The following SACM1L variants were observed in gnomAD, a reference collection of about 807,000 sequenced individuals.
The protein encoded by SACM1L is phosphatidylinositol-3-phosphatase SAC1.
SACM1L carries 32 observed loss-of-function variants against 89.5 expected under a neutral mutation model. That is an observed-to-expected ratio of 0.36 (90% CI 0.27 to 0.48). The LOEUF is 0.48. SACM1L is among the 20% of genes least tolerant of loss of function. The pLI is 0.99. For synonymous variants in SACM1L, 213 were observed against 232.8 expected (o/e 0.92, Z 0.77); for missense variants, 543 against 708.5 (o/e 0.77, Z 2.65).
At chr3:45,697,269 C>CTTTTTTTTTTTT (rs869095037) in intron 1 of SACM1L, among the ~76,000 whole-genome samples, 50 of 92,114 alleles carry the variant, frequency 5.4e-4, no homozygotes, top group African/African-American at 1.9e-3. Context: ...TTTTCTTTTC[C>CTTTTTTTTTTTT]TTTTTTTTTT....
At chr3:45,694,381 T>C (rs1178568364) in intron 1 of SACM1L, among the ~76,000 whole-genome samples, 2 of 152,176 alleles carry the variant, frequency 1.3e-5, no homozygotes, top group African/African-American at 4.8e-5. Context: ...TAAGCTACCT[T>C]GTGATACAGA....
chr3:45,719,494 G>A lies in SACM1L; in HGVS notation c.578-6G>A. ...TATATGTTATATTTTTCTTAATGTG[G>A]TTAAGTTATTACCATGCATTCATGT... On this transcript the variant is annotated splice_polypyrimidine_tract_variant and splice_region_variant and intron_variant, in intron 7 of 19. Transcript: ENST00000389061. 1 of 1,509,414 alleles carries A rather than the reference G, an allele frequency of 6.6e-7. No individual in the cohort carries two copies. The allele number at this position is 1,509,414 out of a possible 1,614,324, so 93.5% of individuals were successfully genotyped here.
intron 1 of SACM1L, among the ~76,000 whole-genome samples, chr3:45,698,464 A>G (rs1321122780): frequency 6.6e-6 from 1 of 152,220 alleles, no homozygotes; most frequent in Non-Finnish European, 1.5e-5. Context: ...CATCTCTCAG[A>G]GAGAGAAGAT....
chr3:45,690,599 A>T (rs1430022287), intron 1 of SACM1L, among the ~76,000 whole-genome samples: 1 of 152,230 alleles, frequency 6.6e-6, no homozygotes, highest in Non-Finnish European at 1.5e-5. Context: ...CAGAGAGGTC[A>T]TCTATTCCAC....
In SACM1L at chr3:45,737,670, T is replaced by C. The variant is rs1271692120; in HGVS notation, c.1309+18T>C. 2.5e-6 allele frequency: 4 copies of C among 1,584,060 alleles called. No individual in the cohort carries two copies. The African/African-American group carries it at 4.1e-5, about 16-fold the overall frequency. ...CAAAAATGGTAGGTCATTTCTTTAA[T>C]ATAGACAAAGTTGGTCAGATTTTGA... On this transcript the variant is annotated intron_variant, in intron 15 of 19. Coordinates refer to ENST00000389061, the MANE Select transcript of SACM1L (RefSeq NM_014016.5).
intron 2 of SACM1L, 58 bp downstream of exon 2, chr3:45,703,593 T>C: frequency 8.6e-7 from 1 of 1,165,766 alleles, no homozygotes; most frequent in East Asian, 2.4e-5. Context: ...TAAATTACAG[T>C]AATTAAAAAA....
At chr3:45,689,620 CG>C in intron 1 of SACM1L, 123 bp downstream of exon 1, 1 of 1,209,486 alleles carries the variant, frequency 8.3e-7, no homozygotes, top group Admixed American at 2.0e-5. Flanking sequence ...TCGCATTTAC[CG>C]GTTTTCCTCA....
intron 1 of SACM1L, among the ~76,000 whole-genome samples, chr3:45,692,328 T>TAA (rs1559533200): frequency 1.3e-5 from 2 of 151,972 alleles, no homozygotes; most frequent in South Asian, 2.1e-4. Context: ...TTTTTTTTTT[T>TAA]TTTATTATTT....
At position 45,722,794 on chromosome 3, in the gene SACM1L, C is replaced by CA. The variant is rs754421840; in HGVS notation, c.766-74dup. 192 of 1,062,008 alleles carry CA rather than the reference C, an allele frequency of 1.8e-4. 1 individual carries two copies. The highest frequency in any genetic ancestry group is 2.6e-4 in the Non-Finnish European group (183 of 705,750). The allele number at this position is 1,062,008 out of a possible 1,614,324, so 65.8% of individuals were successfully genotyped here. On this transcript the variant is annotated intron_variant, in intron 9 of 19. Coordinates refer to ENST00000389061, the MANE Select transcript of SACM1L (RefSeq NM_014016.5). ...TCCCTTGCATATTCATTAATATATA[C>CA]ACCCCTGACAATAAGTAAGGTGAGA...
chr3:45,725,913 G>C (rs1251632770), intron 11 of SACM1L, among the ~76,000 whole-genome samples: 1 of 151,992 alleles, frequency 6.6e-6, no homozygotes, highest in Admixed American at 6.5e-5. Flanking sequence ...TCAAGAAGAG[G>C]TGTTGAATTT....
intron 19 of SACM1L, chr3:45,739,962 A>G (rs1699282091): frequency 2.7e-6 from 1 of 370,342 alleles, no homozygotes; most frequent in Admixed American, 4.3e-5. Flanking sequence ...CAGGAAAAAG[A>G]GACACAAGAT....
chr3:45,705,774 G>A (rs1228751496), intron 3 of SACM1L, among the ~76,000 whole-genome samples: 1 of 152,068 alleles, frequency 6.6e-6, no homozygotes. Flanking sequence ...AAAGTGCTGG[G>A]ATTACAGGCA....
rs1699403746 is a variant in SACM1L at position 45,745,369 on chromosome 3, G to GT, written c.*1701dup. The GT allele has an allele frequency of 3.3e-5, 5 of 152,590 alleles. No homozygotes were observed. The highest frequency in any genetic ancestry group is 2.0e-4 in the Admixed American group (3 of 15,280). The allele number at this position is 152,590 out of a possible 1,614,324, so 9.5% of individuals were successfully genotyped here. ...GATTTTATTTCTAAATTCATGTACT[G>GT]TATGTCCATAAGTGAAAATAAAATG... is the stretch of plus-strand genomic sequence containing the variant. On this transcript the variant is annotated 3_prime_UTR_variant, in exon 20 of 20. Transcript: ENST00000389061.
chr3:45,715,364 A>G lies in SACM1L; in HGVS notation c.577+1285A>G, dbSNP rs575233518. The stretch of plus-strand genomic sequence containing the variant: ...AAGAAAACCCAAAAAGTAATGGAGG[A>G]AACATGTTCCACAGTTATGGGGAAA... On this transcript the variant is annotated intron_variant, in intron 7 of 19. Transcript: ENST00000389061. Among the ~76,000 whole-genome samples, 14 of 152,364 alleles carry G rather than the reference A, an allele frequency of 9.2e-5. No homozygotes were observed. In the East Asian group the frequency reaches 1.5e-3, roughly 17 times the overall value.
chr3:45,714,117 C>G (rs200961807), intron 7 of SACM1L, 38 bp downstream of exon 7: 1 of 1,368,802 alleles, frequency 7.3e-7, no homozygotes, highest in South Asian at 1.6e-5. Context: ...TTTCTAGATG[C>G]CTTTATTTAA....
rs562444635 is a variant in SACM1L at position 45,691,889 on chromosome 3, C to G, written c.32+2392C>G. On this transcript the variant is annotated intron_variant, in intron 1 of 19. Coordinates refer to ENST00000389061, the MANE Select transcript of SACM1L (RefSeq NM_014016.5). ...TCTAATGCTCTGGTTTTATCCTCTACTTTCCTGCTTACAATTTCCAGTTCC... is the reference window on the plus strand; with the variant it reads ...TCTAATGCTCTGGTTTTATCCTCTAGTTTCCTGCTTACAATTTCCAGTTCC... Among the ~76,000 whole-genome samples the G allele has an allele frequency of 2.6e-5, 4 of 152,342 alleles. No individual in the cohort carries two copies. The East Asian group carries it at 7.7e-4, about 29-fold the overall frequency.
rs1575412393 is a variant in SACM1L at position 45,737,659 on chromosome 3, C to A, written c.1309+7C>A. On this transcript the variant is annotated splice_region_variant and intron_variant, in intron 15 of 19. Transcript: ENST00000389061. The stretch of plus-strand genomic sequence containing the variant: ...GAGAAGATTTACAAAAATGGTAGGT[C>A]ATTTCTTTAATATAGACAAAGTTGG... 6.3e-7 allele frequency: 1 copy of A among 1,588,314 alleles called. No homozygotes were observed. Among genetic ancestry groups the A allele is most frequent in the South Asian group, 1.2e-5 (1 of 86,376 alleles).
At chr3:45,690,577 A>G (rs886406452) in intron 1 of SACM1L, among the ~76,000 whole-genome samples, 2 of 152,242 alleles carry the variant, frequency 1.3e-5, no homozygotes, top group Admixed American at 6.5e-5. Flanking sequence ...GGAAAGTTAG[A>G]GGTGCAAAAT....
At chr3:45,693,512 C>A (rs1698050061) in intron 1 of SACM1L, among the ~76,000 whole-genome samples, 1 of 152,200 alleles carries the variant, frequency 6.6e-6, no homozygotes, top group African/African-American at 2.4e-5. Flanking sequence ...TCTGTGAGGT[C>A]ATAGGTTGAT....
Sources: allele counts gnomAD v4.1 joint callset (sites outside exome capture counted in the v4.1 genomes callset), GRCh38; gene constraint gnomAD v4.1.1; transcripts MANE v1.5; gene names NCBI Gene and HGNC (gene_info 2026-07-23, HGNC 2026-07-21).